Variants in C12orf54 observed in about 807,000 individuals in gnomAD.
C12orf54 encodes the protein chromosome 12 open reading frame 54, also known as uncharacterized protein C12orf54.
A neutral mutation model predicts 26.4 loss-of-function variants in C12orf54; 24 were observed. The ratio of observed to expected loss-of-function variants is 0.91; its 90% CI spans 0.66 to 1.28. The LOEUF is 1.28. Ranked by LOEUF, C12orf54 falls within the 50% of genes most tolerant of loss-of-function variation. The probability of loss-of-function intolerance (pLI) is 0.00; values close to 1 mark genes in which losing one functional copy is unlikely to be tolerated. For synonymous variants in C12orf54, 54 were observed against 47.0 expected (o/e 1.15, Z -0.61); for missense variants, 154 against 150.9 (o/e 1.02, Z -0.11).
chr12:48,449,841 AACTTG>A, the C12orf54 span, among the ~76,000 whole-genome samples: 2 of 134,650 alleles, frequency 1.5e-5, no homozygotes, highest in African/African-American at 8.0e-5. Context: ...CCCAAATCTC[AACTTG>A]AATTGTATCT....
At chr12:48,476,650 G>C in the C12orf54 span, among the ~76,000 whole-genome samples, 1 of 152,078 alleles carries the variant, frequency 6.6e-6, no homozygotes, top group Non-Finnish European at 1.5e-5. Flanking sequence ...AGACAAAGAA[G>C]GCCATTACAT....
the C12orf54 span, among the ~76,000 whole-genome samples, chr12:48,464,387 A>G: frequency 1.3e-5 from 2 of 152,170 alleles, no homozygotes; most frequent in African/African-American, 4.8e-5. Flanking sequence ...GATCTCTACA[A>G]TGTGAATTAC....
the C12orf54 span, among the ~76,000 whole-genome samples, chr12:48,436,376 C>T: frequency 7.5e-4 from 114 of 152,240 alleles, no homozygotes; most frequent in Non-Finnish European, 1.4e-3. Flanking sequence ...CAAGGATATC[C>T]AGGTATTGAA....
the C12orf54 span, among the ~76,000 whole-genome samples, chr12:48,418,325 C>G: frequency 4.6e-5 from 7 of 152,136 alleles, no homozygotes; most frequent in African/African-American, 1.2e-4. Context: ...CATCAATAAG[C>G]GTGTGCTAGG....
the C12orf54 span, among the ~76,000 whole-genome samples, chr12:48,455,910 G>A: frequency 5.3e-5 from 8 of 152,114 alleles, no homozygotes; most frequent in Non-Finnish European, 7.3e-5. Context: ...ACTACTCAGT[G>A]AATTTTCACA....
At chr12:48,472,354 G>A in the C12orf54 span, among the ~76,000 whole-genome samples, 3 of 152,110 alleles carry the variant, frequency 2.0e-5, no homozygotes, top group Non-Finnish European at 2.9e-5. Context: ...ATATACTATG[G>A]CGTGGCCTAG....
chr12:48,450,073 C>T, the C12orf54 span, among the ~76,000 whole-genome samples: 3 of 152,136 alleles, frequency 2.0e-5, no homozygotes, highest in African/African-American at 4.8e-5. Flanking sequence ...CTTTTTCTTC[C>T]CCGTTTTGGG....
the C12orf54 span, among the ~76,000 whole-genome samples, chr12:48,425,368 G>T: frequency 1.2e-4 from 18 of 151,952 alleles, no homozygotes; most frequent in Non-Finnish European, 2.2e-4. Flanking sequence ...AAGGATAATG[G>T]TCTCCAGCTC....
At chr12:48,445,416 C>A in the C12orf54 span, among the ~76,000 whole-genome samples, 1 of 152,252 alleles carries the variant, frequency 6.6e-6, no homozygotes, top group Admixed American at 6.5e-5. Context: ...CTTTCGCATA[C>A]CTCAGAGTAT....
the C12orf54 span, among the ~76,000 whole-genome samples, chr12:48,455,382 A>G: frequency 6.6e-6 from 1 of 152,088 alleles, no homozygotes; most frequent in Non-Finnish European, 1.5e-5. Flanking sequence ...TGTCTTTGCT[A>G]TTGTGAAAAG....
At chr12:48,470,563 T>G in the C12orf54 span, among the ~76,000 whole-genome samples, 5 of 152,344 alleles carry the variant, frequency 3.3e-5, no homozygotes, top group Non-Finnish European at 7.3e-5. Context: ...AGTCTTGATA[T>G]TAGATCTTTG....
the C12orf54 span, chr12:48,472,998 T>C: frequency 2.5e-6 from 4 of 1,613,994 alleles, no homozygotes; most frequent in South Asian, 4.4e-5. Context: ...CCTGAAAAAG[T>C]TAGAAAACCT....
the C12orf54 span, among the ~76,000 whole-genome samples, chr12:48,439,196 A>T: frequency 6.6e-6 from 1 of 152,242 alleles, no homozygotes; most frequent in Non-Finnish European, 1.5e-5. Flanking sequence ...AACCACAATG[A>T]GATACCATCT....
At position 48,486,261 on chromosome 12, in the gene C12orf54, G is replaced by C. The variant is rs571431402; in HGVS notation, c.96+53G>C. Reference sequence around the variant, plus strand: ...TCCTCTGGGGCTTCTAATTCCTAGGGAGAGGGGAGGAGAAGAGGTTGTAGA... The same window carrying C: ...TCCTCTGGGGCTTCTAATTCCTAGGCAGAGGGGAGGAGAAGAGGTTGTAGA... On this transcript the variant is annotated intron_variant, in intron 3 of 8. Transcript: ENST00000548364. 7.1e-6 allele frequency: 11 copies of C among 1,544,128 alleles called. No individual in the cohort carries two copies. The East Asian group carries it at 2.5e-4, about 35-fold the overall frequency.
the C12orf54 span, among the ~76,000 whole-genome samples, chr12:48,471,401 A>G: frequency 6.6e-6 from 1 of 152,156 alleles, no homozygotes; most frequent in Non-Finnish European, 1.5e-5. Flanking sequence ...GAACCAACAT[A>G]GGAGTGCAGA....
the C12orf54 span, among the ~76,000 whole-genome samples, chr12:48,449,330 G>A: frequency 0.34 from 52,225 of 152,004 alleles, 9,988 homozygotes; most frequent in East Asian, 0.69. Flanking sequence ...ATGGCTTCAT[G>A]GGGCCATTTC....
the C12orf54 span, among the ~76,000 whole-genome samples, chr12:48,472,020 A>T: frequency 6.6e-6 from 1 of 152,098 alleles, no homozygotes; most frequent in African/African-American, 2.4e-5. Context: ...GGTTTCTTTG[A>T]GCAGTGATTT....
the C12orf54 span, among the ~76,000 whole-genome samples, chr12:48,438,724 C>T: frequency 6.6e-6 from 1 of 152,184 alleles, no homozygotes; most frequent in Admixed American, 6.5e-5. Flanking sequence ...GAAACTGGAT[C>T]CCTTCCTTAC....
At chr12:48,451,663 G>A in the C12orf54 span, among the ~76,000 whole-genome samples, 1 of 152,162 alleles carries the variant, frequency 6.6e-6, no homozygotes, top group Non-Finnish European at 1.5e-5. Context: ...CAAAGTTAAT[G>A]TGCAAAAATC....
Sources: gnomAD v4.1 joint callset for allele counts (sites outside exome capture counted in the v4.1 genomes callset) on GRCh38, gnomAD v4.1.1 for gene constraint, MANE v1.5 for transcripts, NCBI Gene and HGNC (gene_info 2026-07-23, HGNC 2026-07-21) for gene names.